Variants in SLC25A21 observed in about 807,000 individuals in gnomAD.
The protein encoded by SLC25A21 is solute carrier family 25 member 21.
SLC25A21 carries 47 observed loss-of-function variants against 43.8 expected under a neutral mutation model. The observed-to-expected ratio is 1.07, with a 90% CI of 0.85 to 1.37. SLC25A21 has a LOEUF of 1.37. Ranked by LOEUF, SLC25A21 falls within the 40% of genes most tolerant of loss-of-function variation. The pLI is 0.00. For synonymous variants in SLC25A21, 131 were observed against 121.3 expected, an observed-to-expected ratio of 1.08 and a Z score of -0.52; for missense variants, 352 against 350.2, an observed-to-expected ratio of 1.00 and a Z score of -0.04.
intron 1 of SLC25A21, among the ~76,000 whole-genome samples, chr14:37,161,731 C>T (rs894740223): frequency 3.3e-5 from 5 of 151,612 alleles, no homozygotes; most frequent in Admixed American, 1.3e-4. Context: ...GAGGCCGAGG[C>T]GGGCGAATCA....
At chr14:37,081,567 C>A (rs1962389032) in intron 1 of SLC25A21, among the ~76,000 whole-genome samples, 1 of 152,204 alleles carries the variant, frequency 6.6e-6, no homozygotes, top group Non-Finnish European at 1.5e-5. Context: ...TAATTTATAA[C>A]TAAGGCCCAC....
intron 1 of SLC25A21, among the ~76,000 whole-genome samples, chr14:36,917,897 A>G (rs969180086): frequency 1.3e-5 from 2 of 152,172 alleles, no homozygotes; most frequent in East Asian, 3.9e-4. Flanking sequence ...ACAACTGAAG[A>G]GGATGTTAAA....
intron 1 of SLC25A21, among the ~76,000 whole-genome samples, chr14:36,950,441 G>C (rs563717682): frequency 1.3e-5 from 2 of 152,204 alleles, no homozygotes; most frequent in South Asian, 4.1e-4. Context: ...TCTTCCTGAA[G>C]GTCACATGAG....
chr14:37,137,657 G>A (rs533363473), intron 1 of SLC25A21, among the ~76,000 whole-genome samples: 8 of 152,272 alleles, frequency 5.3e-5, no homozygotes, highest in African/African-American at 1.7e-4. Context: ...TGAGTAAAGC[G>A]AAAAAGAATG....
chr14:36,684,500 T>C (rs1882440431), intron 8 of SLC25A21, among the ~76,000 whole-genome samples: 1 of 152,192 alleles, frequency 6.6e-6, no homozygotes, highest in South Asian at 2.1e-4. Flanking sequence ...AACTGCCAAG[T>C]AGAAAGTTCA....
At chr14:37,031,586 C>T (rs2138768846) in intron 1 of SLC25A21, among the ~76,000 whole-genome samples, 1 of 152,162 alleles carries the variant, frequency 6.6e-6, no homozygotes, top group South Asian at 2.1e-4. Context: ...TGTGAGACAA[C>T]TTCTCAGCTT....
chr14:37,049,448 T>C (rs920955858), intron 1 of SLC25A21, among the ~76,000 whole-genome samples: 14 of 151,934 alleles, frequency 9.2e-5, no homozygotes, highest in East Asian at 3.9e-4. Flanking sequence ...GGTGTGTGCC[T>C]ACAGTCCTAG....
chr14:36,700,905 T>C (rs1234453455), intron 7 of SLC25A21, among the ~76,000 whole-genome samples: 14 of 152,186 alleles, frequency 9.2e-5, no homozygotes, highest in Non-Finnish European at 2.9e-5. Flanking sequence ...CAGCTGGGTA[T>C]GGTGGTCATG....
At chr14:37,038,416 G>T (rs74613283) in intron 1 of SLC25A21, among the ~76,000 whole-genome samples, 5,052 of 152,146 alleles carry the variant, frequency 0.033, 269 homozygotes, top group African/African-American at 0.11. Context: ...CCAAACTCAG[G>T]TTATTATTTG....
chr14:36,864,116 T>C (rs1243422164), intron 2 of SLC25A21, among the ~76,000 whole-genome samples: 5 of 152,224 alleles, frequency 3.3e-5, no homozygotes, highest in African/African-American at 4.8e-5. Context: ...CAGCTTTCTG[T>C]AATACTGCAA....
chr14:36,992,021 AT>A (rs1960274367), intron 1 of SLC25A21, among the ~76,000 whole-genome samples: 1 of 152,086 alleles, frequency 6.6e-6, no homozygotes, highest in African/African-American at 2.4e-5. Flanking sequence ...TGGTTTCTTT[AT>A]TTCTTGTTTA....
intron 1 of SLC25A21, among the ~76,000 whole-genome samples, chr14:37,095,645 G>A (rs1281256800): frequency 6.6e-6 from 1 of 152,032 alleles, no homozygotes; most frequent in Non-Finnish European, 1.5e-5. Context: ...CAGCACTTTG[G>A]GAGGCTGAAG....
intron 3 of SLC25A21, among the ~76,000 whole-genome samples, chr14:36,741,633 A>G (rs1394181844): frequency 6.6e-6 from 1 of 152,224 alleles, no homozygotes; most frequent in Non-Finnish European, 1.5e-5. Context: ...GCCTGAAAAT[A>G]TCAATTACAG....
At chr14:36,734,219 G>C (rs7150939) in intron 4 of SLC25A21, among the ~76,000 whole-genome samples, 6,159 of 151,792 alleles carry the variant, frequency 0.041, 431 homozygotes, top group African/African-American at 0.14. Flanking sequence ...TTGAAGAAAG[G>C]TCCAAGCTAT....
intron 1 of SLC25A21, among the ~76,000 whole-genome samples, chr14:37,151,358 T>C (rs1963756129): frequency 1.3e-5 from 2 of 152,178 alleles, no homozygotes; most frequent in Non-Finnish European, 2.9e-5. Flanking sequence ...CAATTGCCTG[T>C]AGCATCTGGC....
chr14:36,776,642 G>A (rs967854791), intron 3 of SLC25A21, among the ~76,000 whole-genome samples: 2 of 152,076 alleles, frequency 1.3e-5, no homozygotes, highest in African/African-American at 4.8e-5. Flanking sequence ...TGGAAACACA[G>A]TGACTTTTGA....
rs1031292356 is a variant in SLC25A21 at position 36,781,944 on chromosome 14, T to C, written c.203+31974A>G. On this transcript the variant is annotated intron_variant, in intron 3 of 9. Coordinates refer to ENST00000331299, the MANE Select transcript of SLC25A21 (RefSeq NM_030631.4). ...ACAGATCGGGTGGTGATGAAATCCT[T>C]TGGCTTTCACCTGAGAAAGTCTTCA... is the stretch of plus-strand genomic sequence containing the variant. Among the ~76,000 whole-genome samples the C allele has an allele frequency of 5.3e-5, 8 of 152,204 alleles. No homozygotes were observed. In the South Asian group the frequency reaches 1.2e-3, roughly 24 times the overall value.
At chr14:37,121,288 CA>C (rs1963202965) in intron 1 of SLC25A21, among the ~76,000 whole-genome samples, 1 of 152,074 alleles carries the variant, frequency 6.6e-6, no homozygotes, top group Non-Finnish European at 1.5e-5. Context: ...GATTACATGA[CA>C]GGGCACGATT....
intron 1 of SLC25A21, among the ~76,000 whole-genome samples, chr14:36,905,386 T>C (rs184354291): frequency 7.2e-4 from 110 of 152,306 alleles, no homozygotes; most frequent in African/African-American, 2.6e-3. Context: ...TCAATATTCC[T>C]GCTATGAAAC....
Sources: allele counts gnomAD v4.1 joint callset (sites outside exome capture counted in the v4.1 genomes callset), GRCh38; gene constraint gnomAD v4.1.1; transcripts MANE v1.5; gene names NCBI Gene and HGNC (gene_info 2026-07-23, HGNC 2026-07-21).